SHISA7: variants seen among roughly 807,000 people sequenced by gnomAD.
The protein encoded by SHISA7 is protein shisa-7.
A neutral mutation model predicts 23.9 loss-of-function variants in SHISA7; 6 were observed. The observed-to-expected ratio is 0.25, with a 90% CI of 0.14 to 0.50. The LOEUF (loss-of-function observed/expected upper bound fraction) is 0.50. Among genes scored for constraint, SHISA7 ranks in the 20% least tolerant of loss-of-function variants. SHISA7 has a pLI of 0.98. For missense variants in SHISA7, 671 were observed against 801.1 expected, an observed-to-expected ratio of 0.84 and a Z score of 1.96; for synonymous variants, 386 against 398.3, an observed-to-expected ratio of 0.97 and a Z score of 0.37.
chr19:55,433,689 G>A lies in SHISA7; in HGVS notation c.1084C>T (p.Arg362Cys), dbSNP rs1205786320. The change falls in exon 4 of 4, where the codon CGC becomes TGC. Residue 362 changes from arginine (R) to cysteine (C), a missense_variant. This residue lies in a region of SHISA7 where 457 missense variants were observed against 488.3 expected (regional missense o/e 0.94). Coordinates refer to ENST00000376325, the MANE Select transcript of SHISA7 (RefSeq NM_001145176.2). This position sits in a 1 kb window ranked among gnomAD's most constrained non-coding sequence, Gnocchi z 8.4. ...TCTGGGCCGCCCCAGGCCTCCATGCGATAGCCGCCCCCCGTGCCCGGCCGC... is the reference window on the plus strand; with the variant it reads ...TCTGGGCCGCCCCAGGCCTCCATGCAATAGCCGCCCCCCGTGCCCGGCCGC... ...LRRPGTGGGY[R>C]MEAWGGPEEL... is the part of the protein sequence containing the mutation. 5.4e-6 allele frequency: 8 copies of A among 1,482,066 alleles called. No homozygotes were observed. The highest frequency in any genetic ancestry group is 1.3e-5 in the South Asian group (1 of 78,674). The allele number at this position is 1,482,066 out of a possible 1,614,324, so 91.8% of individuals were successfully genotyped here.
rs1322321513 is a variant in SHISA7, at chr19:55,429,696, C to T, written c.*3460G>A. On this transcript the variant is annotated 3_prime_UTR_variant, in exon 4 of 4. Coordinates refer to ENST00000376325, the MANE Select transcript of SHISA7 (RefSeq NM_001145176.2). ...CTTTAAGAGTGGGGGAATGGCCGCCCCCGCAACATGGCTATGTACAAAGAG... is the reference window on the plus strand; with the variant it reads ...CTTTAAGAGTGGGGGAATGGCCGCCTCCGCAACATGGCTATGTACAAAGAG... The T allele has an allele frequency of 6.6e-6, 1 of 152,170 alleles. No homozygotes were observed. The highest frequency in any genetic ancestry group is 1.5e-5 in the Non-Finnish European group (1 of 68,078). The allele number at this position is 152,170 out of a possible 1,614,324, so 9.4% of individuals were successfully genotyped here. A position where few individuals can be genotyped will look rare whatever the true frequency, so the allele number is the denominator to read the frequency against.
Position 55,433,979 on chromosome 19 carries a change from A to T in SHISA7, c.977-183T>A, listed in dbSNP as rs905176793. 6.6e-6 allele frequency among the ~76,000 whole-genome samples: 1 copy of T among 151,768 alleles called. No homozygotes were observed. Among genetic ancestry groups the T allele is most frequent in the African/African-American group, 2.4e-5 (1 of 41,250 alleles). On this transcript the variant is annotated intron_variant, in intron 3 of 3. Coordinates refer to ENST00000376325, the MANE Select transcript of SHISA7 (RefSeq NM_001145176.2). The surrounding 1 kb of genome is among the most constrained non-coding windows in gnomAD (Gnocchi z 8.4). Reference sequence around the variant, plus strand: ...CCAGCCCACAATGCTGGGTCAGTAGATGTGGAGGACTTCCTCTTCTTCCCC... The same window carrying T: ...CCAGCCCACAATGCTGGGTCAGTAGTTGTGGAGGACTTCCTCTTCTTCCCC...
chr19:55,437,302 C>T (rs1475035838), intron 3 of SHISA7, among the ~76,000 whole-genome samples: 1 of 152,170 alleles, frequency 6.6e-6, no homozygotes, highest in Non-Finnish European at 1.5e-5. Flanking sequence ...GTAGATTTTC[C>T]ATGATCAAGT....
At chr19:55,435,155 GTGGTGTGTGTGTA>G (rs1568451030) in intron 3 of SHISA7, among the ~76,000 whole-genome samples, 4 of 126,892 alleles carry the variant, frequency 3.2e-5, no homozygotes, top group Admixed American at 8.0e-5. Flanking sequence ...GTGTGTGTGT[GTGGTGTGTGTGTA>G]TGGTGTGTGT....
Position 55,433,429 on chromosome 19 carries a change from G to C in SHISA7, c.1344C>G (p.Ala448=). Residue 448 remains alanine (A), a synonymous_variant, in exon 4 of 4, where the codon GCC becomes GCG. Transcript: ENST00000376325. The surrounding 1 kb of genome is among the most constrained non-coding windows in gnomAD (Gnocchi z 8.4). ...CCAGCAGCAGGTTGGAGTGCGAGGCGGCCAGGCTGGCCCGGGCGGTGGGGT... is the reference window on the plus strand; with the variant it reads ...CCAGCAGCAGGTTGGAGTGCGAGGCCGCCAGGCTGGCCCGGGCGGTGGGGT... The part of the protein sequence containing the change: ...PPDPTARASL[A]ASHSNLLLGP... The C allele has an allele frequency of 7.5e-7, 1 of 1,326,354 alleles. No homozygotes were observed. The highest frequency in any genetic ancestry group is 4.2e-5 in the Admixed American group (1 of 23,828). The allele number at this position is 1,326,354 out of a possible 1,614,324, so 82.2% of individuals were successfully genotyped here. A position where few individuals can be genotyped will look rare whatever the true frequency, so the allele number is the denominator to read the frequency against.
rs1985283148 is a variant in SHISA7, at chr19:55,433,937, A to C, written c.977-141T>G. The C allele has an allele frequency of 1.0e-6, 1 of 965,630 alleles. No homozygotes were observed. Among genetic ancestry groups the C allele is most frequent in the Non-Finnish European group, 1.4e-6 (1 of 723,702 alleles). The allele number at this position is 965,630 out of a possible 1,614,324, so 59.8% of individuals were successfully genotyped here. A position where few individuals can be genotyped will look rare whatever the true frequency, so the allele number is the denominator to read the frequency against. ...GGCATCAGGCTAGCTGTGAGGCCAA[A>C]ATGCAGATTCCCAGGCCCAGCCCAC... On this transcript the variant is annotated intron_variant, in intron 3 of 3. Transcript: ENST00000376325. The surrounding 1 kb of genome is among the most constrained non-coding windows in gnomAD (Gnocchi z 8.4).
chr19:55,432,956 T>C lies in SHISA7; in HGVS notation c.*200A>G. 1.6e-6 allele frequency: 1 copy of C among 626,790 alleles called. No individual in the cohort carries two copies. The highest frequency in any genetic ancestry group is 3.5e-5 in the East Asian group (1 of 28,384). The allele number at this position is 626,790 out of a possible 1,614,324, so 38.8% of individuals were successfully genotyped here. ...GGCCTCTTCCTCTGGGATGACATCA[T>C]GGGAAGGAGGCCTTGGCTCAAGCAG... On this transcript the variant is annotated 3_prime_UTR_variant, in exon 4 of 4. Transcript: ENST00000376325. This position sits in a 1 kb window ranked among gnomAD's most constrained non-coding sequence, Gnocchi z 4.6.
intron 3 of SHISA7, among the ~76,000 whole-genome samples, chr19:55,435,179 GGTT>G (rs1240524356): frequency 3.0e-5 from 4 of 132,520 alleles, no homozygotes; most frequent in Non-Finnish European, 6.4e-5. Context: ...TGGTGTGTGT[GGTT>G]GTGTGGTGTG....
rs1464315613 is a variant in SHISA7 at position 55,443,154 on chromosome 19, A to C, written c.-291T>G. Among the ~76,000 whole-genome samples, 2 of 151,418 alleles carry C rather than the reference A, an allele frequency of 1.3e-5. No homozygotes were observed. Among genetic ancestry groups the C allele is most frequent in the Non-Finnish European group, 2.9e-5 (2 of 67,890 alleles). On this transcript the variant is annotated 5_prime_UTR_variant, in exon 1 of 4. Coordinates refer to ENST00000376325, the MANE Select transcript of SHISA7 (RefSeq NM_001145176.2). ...GCCCGGGCACGGCTGGGGGAGAGAA[A>C]TGAGCATGGGCGGACAGAACCGGGA...
In SHISA7 at chr19:55,442,320, C is replaced by A. The variant is rs1257505095; in HGVS notation, c.544G>T (p.Gly182Trp). 5.3e-6 allele frequency: 8 copies of A among 1,496,956 alleles called. No individual in the cohort carries two copies. The highest frequency in any genetic ancestry group is 7.1e-6 in the Non-Finnish European group (8 of 1,129,708). 92.7% of individuals were successfully genotyped at this position (1,496,956 alleles called of 1,614,324 possible). The change falls in exon 1 of 4, where the codon GGG becomes TGG. Residue 182 changes from glycine to tryptophan, a missense_variant. By Grantham distance (184) the Gly-to-Trp change is radical. Coordinates refer to ENST00000376325, the MANE Select transcript of SHISA7 (RefSeq NM_001145176.2). ...GAGGRGGEGP[G>W]GSTAYVVCGV... is the part of the protein sequence containing the mutation. ...CACACGACGTAGGCTGTGCTGCCCC[C>A]GGGGCCCTCGCCCCCGCGGCCCCCG...
intron 3 of SHISA7, among the ~76,000 whole-genome samples, chr19:55,434,353 A>G (rs1221387492): frequency 5.5e-5 from 4 of 72,606 alleles, no homozygotes; most frequent in African/African-American, 5.5e-5. Context: ...TGTGTGGTGT[A>G]TATGTGGTGT....
In SHISA7 at chr19:55,442,329, C is replaced by CGCCCCCGCG; in HGVS notation, c.526_534dup (p.Arg176_Gly178dup). On this transcript the variant is annotated inframe_insertion, in exon 1 of 4. Transcript: ENST00000376325. ...TAGGCTGTGCTGCCCCCGGGGCCCT[C>CGCCCCCGCG]GCCCCCGCGGCCCCCGGCACCCCCA... 3.4e-6 allele frequency: 5 copies of CGCCCCCGCG among 1,486,358 alleles called. No individual in the cohort carries two copies. The highest frequency in any genetic ancestry group is 3.6e-6 in the Non-Finnish European group (4 of 1,124,946). 92.1% of individuals were successfully genotyped at this position (1,486,358 alleles called of 1,614,324 possible). A position where few individuals can be genotyped will look rare whatever the true frequency, so the allele number is the denominator to read the frequency against.
chr19:55,437,208 T>G (rs1258473291), intron 3 of SHISA7, among the ~76,000 whole-genome samples: 2 of 152,104 alleles, frequency 1.3e-5, no homozygotes, highest in Non-Finnish European at 2.9e-5. Flanking sequence ...GGAGACTCTC[T>G]GAAAATGAGG....
intron 3 of SHISA7, among the ~76,000 whole-genome samples, chr19:55,434,434 T>G (rs1348616898): frequency 6.6e-5 from 8 of 122,060 alleles, no homozygotes; most frequent in East Asian, 2.5e-4. Flanking sequence ...GGTGTGTGTG[T>G]GGTGTGTGTG....
intron 2 of SHISA7, 139 bp downstream of exon 2, chr19:55,440,472 A>G: frequency 1.3e-6 from 1 of 796,148 alleles, no homozygotes. Flanking sequence ...GCAGGGCAGG[A>G]CCCGGCAGTG....
Position 55,442,592 on chromosome 19 carries a change from T to G in SHISA7, c.272A>C (p.Gln91Pro). 1 of 1,462,658 alleles carries G rather than the reference T, an allele frequency of 6.8e-7. No homozygotes were observed. The highest frequency in any genetic ancestry group is 9.1e-7 in the Non-Finnish European group (1 of 1,099,642). 90.6% of individuals were successfully genotyped at this position (1,462,658 alleles called of 1,614,324 possible). A position where few individuals can be genotyped will look rare whatever the true frequency, so the allele number is the denominator to read the frequency against. ...LCHGYYDVMG[Q>P]YDATFNCSTG... The stretch of plus-strand genomic sequence containing the variant: ...GCTGCAGTTGAAGGTGGCGTCGTAC[T>G]GGCCCATGACATCGTAGTAGCCGTG... The change falls in exon 1 of 4, where the codon CAG becomes CCG. Residue 91 changes from glutamine (Q) to proline (P), a missense_variant. By Grantham distance (76) the Gln-to-Pro change is moderately conservative. Transcript: ENST00000376325.
In SHISA7 at chr19:55,433,261, C is replaced by G. The variant is rs951855524; in HGVS notation, c.1512G>C (p.Arg504Ser). ...GCGTGCCCTGGCGCTGGAAGGGCGGCCTGCGGGCCAGTGTGCCCCCGCCCC... is the reference window on the plus strand; with the variant it reads ...GCGTGCCCTGGCGCTGGAAGGGCGGGCTGCGGGCCAGTGTGCCCCCGCCCC... ...AGGGGGTLAR[R>S]PPFQRQGTLE... The change falls in exon 4 of 4, where the codon AGG becomes AGC. Residue 504 changes from arginine to serine, a missense_variant. This residue lies in a region of SHISA7 where 457 missense variants were observed against 488.3 expected (regional missense o/e 0.94). Transcript: ENST00000376325. This position sits in a 1 kb window ranked among gnomAD's most constrained non-coding sequence, Gnocchi z 8.4. 3 of 1,519,746 alleles carry G rather than the reference C, an allele frequency of 2.0e-6. No homozygotes were observed. Among genetic ancestry groups the G allele is most frequent in the African/African-American group, 2.9e-5 (2 of 70,018 alleles). 94.1% of individuals were successfully genotyped at this position (1,519,746 alleles called of 1,614,324 possible).
In SHISA7 at chr19:55,442,251, C is replaced by G; in HGVS notation, c.613G>C (p.Val205Leu). ...GCACGGGACGCCTTGCTGAAGGCCA[C>G]TTTGGCGCCGACGCCCACGGCCAGG... is the stretch of plus-strand genomic sequence containing the variant. ...FALAVGVGAK[V>L]AFSKASRAPR... The change falls in exon 1 of 4, where the codon GTG (valine) becomes CTG (leucine). Residue 205 changes from valine to leucine, a missense_variant. Coordinates refer to ENST00000376325, the MANE Select transcript of SHISA7 (RefSeq NM_001145176.2). 3 of 1,534,196 alleles carry G rather than the reference C, an allele frequency of 2.0e-6. No individual in the cohort carries two copies. Among genetic ancestry groups the G allele is most frequent in the Non-Finnish European group, 2.6e-6 (3 of 1,146,038 alleles).
intron 2 of SHISA7, among the ~76,000 whole-genome samples, chr19:55,438,343 A>G (rs912205155): frequency 6.6e-6 from 1 of 152,202 alleles, no homozygotes; most frequent in Non-Finnish European, 1.5e-5. Flanking sequence ...GCCTGGCCCC[A>G]GGCTCCATCA....
Sources: gnomAD v4.1 joint callset for allele counts (sites outside exome capture counted in the v4.1 genomes callset) on GRCh38, gnomAD v4.1.1 for gene constraint, gnomAD v4.1.1 regional missense constraint, Gnocchi (gnomAD v3.1) non-coding constraint, MANE v1.5 for transcripts, NCBI Gene and HGNC (gene_info 2026-07-23, HGNC 2026-07-21) for gene names.